The following PLXDC1 variants were observed in gnomAD, a reference collection of about 807,000 sequenced individuals.
PLXDC1 encodes the protein plexin domain-containing protein 1.
In PLXDC1, 39 loss-of-function variants were observed where a neutral mutation model predicts 61.3. The observed-to-expected ratio is 0.64, with a 90% confidence interval of 0.49 to 0.83. The LOEUF is 0.83. Among genes scored for constraint, PLXDC1 ranks in the 40% least tolerant of loss-of-function variants. The pLI is 0.00. For synonymous variants in PLXDC1, 212 were observed against 254.5 expected (o/e 0.83, Z 1.59); for missense variants, 596 against 666.5 (o/e 0.89, Z 1.17).
chr17:39,133,350 A>G (rs1911625610), intron 2 of PLXDC1, among the ~76,000 whole-genome samples: 1 of 152,060 alleles, frequency 6.6e-6, no homozygotes. Context: ...TGGTGTGTGT[A>G]AGCACTGACA....
At position 39,084,914 on chromosome 17, in the gene PLXDC1, C is replaced by T. The variant is rs563291731; in HGVS notation, c.908-1374G>A. ...TTGAATGAACCAGATGACCTCTGAG[C>T]GGCAAGTAGCTGTCACAAAGCCCGT... is the stretch of plus-strand genomic sequence containing the variant. On this transcript the variant is annotated intron_variant, in intron 8 of 13. Transcript: ENST00000315392. Among the ~76,000 whole-genome samples the T allele has an allele frequency of 2.6e-5, 4 of 152,266 alleles. No individual in the cohort carries two copies. The East Asian group carries it at 5.8e-4, about 22-fold the overall frequency.
intron 7 of PLXDC1, among the ~76,000 whole-genome samples, chr17:39,093,491 C>T (rs945896864): frequency 1.2e-4 from 18 of 152,058 alleles, no homozygotes; most frequent in Non-Finnish European, 2.2e-4. Flanking sequence ...TCAAAGTGGG[C>T]GGGTCACCTG....
Position 39,128,589 on chromosome 17 carries a change from A to G in PLXDC1, c.255+11065T>C, listed in dbSNP as rs563583472. Among the ~76,000 whole-genome samples, 16 of 152,234 alleles carry G rather than the reference A, an allele frequency of 1.1e-4. 1 individual carries two copies. Among genetic ancestry groups the G allele is most frequent in the South Asian group, 6.2e-4 (3 of 4,826 alleles). On this transcript the variant is annotated intron_variant, in intron 2 of 13. Coordinates refer to ENST00000315392, the MANE Select transcript of PLXDC1 (RefSeq NM_020405.5). ...TGTAGAGAAATCGGAACCCTCATAC[A>G]TTGCTGGTGGGAATGTAAAATAGTT...
At chr17:39,097,658 C>CT (rs1910255349) in intron 7 of PLXDC1, among the ~76,000 whole-genome samples, 1 of 151,696 alleles carries the variant, frequency 6.6e-6, no homozygotes, top group Non-Finnish European at 1.5e-5. Flanking sequence ...AAAGCCAGAG[C>CT]ATGGCTTGAG....
chr17:39,070,613 C>T (rs1909078396), intron 12 of PLXDC1: 1 of 152,196 alleles, frequency 6.6e-6, no homozygotes, highest in Non-Finnish European at 1.5e-5. Context: ...TATCACTGTC[C>T]ACTCCCAGAT....
At chr17:39,128,089 C>CTGTGTATATATATATATATA (rs1911375209) in intron 2 of PLXDC1, among the ~76,000 whole-genome samples, 2 of 68,806 alleles carry the variant, frequency 2.9e-5, no homozygotes, top group South Asian at 5.0e-4. Flanking sequence ...CTCTCTCTCT[C>CTGTGTATATATATATATATA]TCTATGTGTA....
rs757399867 is a variant in PLXDC1 at position 39,107,533 on chromosome 17, G to A, written c.593-8C>T. 6.3e-6 allele frequency: 10 copies of A among 1,581,450 alleles called. No individual in the cohort carries two copies. The South Asian group carries it at 1.1e-4, about 17-fold the overall frequency. On this transcript the variant is annotated splice_polypyrimidine_tract_variant and splice_region_variant and intron_variant, in intron 5 of 13. Coordinates refer to ENST00000315392, the MANE Select transcript of PLXDC1 (RefSeq NM_020405.5). Reference sequence around the variant, plus strand: ...GAACCACAAAGACTGTCCCTGGGGAGAAGAACAGAGACCCGGCTGGACGGG... The same window carrying A: ...GAACCACAAAGACTGTCCCTGGGGAAAAGAACAGAGACCCGGCTGGACGGG...
rs73983245 is a variant in PLXDC1, at chr17:39,149,229, C to T, written c.76+2133G>A. Reference sequence around the variant, plus strand: ...AGCGAGGGGAGATCTCAGCTACTTCCCAAGGCCCCCCACCAGCCCCACAAA... The same window carrying T: ...AGCGAGGGGAGATCTCAGCTACTTCTCAAGGCCCCCCACCAGCCCCACAAA... On this transcript the variant is annotated intron_variant, in intron 1 of 13. Transcript: ENST00000315392. Among the ~76,000 whole-genome samples the T allele has an allele frequency of 6.6e-3, 1,003 of 152,240 alleles. 13 individuals are homozygous for T. Among genetic ancestry groups the T allele is most frequent in the African/African-American group, 0.023 (950 of 41,544 alleles).
At chr17:39,113,719 T>C (rs1022366656) in intron 2 of PLXDC1, among the ~76,000 whole-genome samples, 2 of 151,914 alleles carry the variant, frequency 1.3e-5, no homozygotes, top group Non-Finnish European at 2.9e-5. Flanking sequence ...GGTATGGTGG[T>C]GCATGCCTGT....
In PLXDC1 at chr17:39,063,811, A is replaced by G. The variant is rs1165688984; in HGVS notation, c.*4029T>C. 3.2e-6 allele frequency: 1 copy of G among 315,394 alleles called. No individual in the cohort carries two copies. Among genetic ancestry groups the G allele is most frequent in the Admixed American group, 4.8e-5 (1 of 20,950 alleles). The allele number at this position is 315,394 out of a possible 1,614,324, so 19.5% of individuals were successfully genotyped here. ...TCTGTGACACTGACTCTTCTGGTGT[A>G]GGTTTGCTTGGCCAGGGAGTCTGAG... is the stretch of plus-strand genomic sequence containing the variant. On this transcript the variant is annotated 3_prime_UTR_variant, in exon 14 of 14. Coordinates refer to ENST00000315392, the MANE Select transcript of PLXDC1 (RefSeq NM_020405.5).
chr17:39,075,499 C>A (rs1243440591), intron 11 of PLXDC1, among the ~76,000 whole-genome samples: 2 of 152,198 alleles, frequency 1.3e-5, no homozygotes, highest in African/African-American at 4.8e-5. Context: ...CTAGATGAAA[C>A]CTGACTCTAT....
intron 2 of PLXDC1, among the ~76,000 whole-genome samples, chr17:39,133,166 C>T (rs1911619448): frequency 6.6e-6 from 1 of 152,090 alleles, no homozygotes; most frequent in Non-Finnish European, 1.5e-5. Flanking sequence ...CCAGGGCCAC[C>T]CATTCTCCAG....
chr17:39,128,117 A>ATATATATGTG (rs1555573193), intron 2 of PLXDC1, among the ~76,000 whole-genome samples: 1 of 96,426 alleles, frequency 1.0e-5, no homozygotes, highest in Non-Finnish European at 1.9e-5. Flanking sequence ...ATATATATGT[A>ATATATATGTG]TATATATATG....
chr17:39,110,787 G>T (rs1910771274), intron 2 of PLXDC1, among the ~76,000 whole-genome samples: 2 of 152,224 alleles, frequency 1.3e-5, no homozygotes, highest in South Asian at 4.1e-4. Flanking sequence ...CTGCCAGAAG[G>T]CACTCTGCTC....
intron 9 of PLXDC1, chr17:39,079,516 G>GTTGT (rs1291663055): frequency 1.9e-5 from 9 of 462,638 alleles, no homozygotes; most frequent in Admixed American, 7.0e-5. Flanking sequence ...TTTCATCCTG[G>GTTGT]TTGTTGAGGG....
intron 7 of PLXDC1, among the ~76,000 whole-genome samples, chr17:39,104,551 A>G (rs1910530249): frequency 6.6e-6 from 1 of 152,172 alleles, no homozygotes; most frequent in African/African-American, 2.4e-5. Context: ...TGGGATGCCA[A>G]GATGGGAGGA....
At chr17:39,082,118 C>G (rs1228004230) in intron 9 of PLXDC1, among the ~76,000 whole-genome samples, 1 of 152,172 alleles carries the variant, frequency 6.6e-6, no homozygotes, top group East Asian at 1.9e-4. Context: ...CACACCCCAT[C>G]CCCTCTGGGC....
chr17:39,116,501 C>T (rs767907975), intron 2 of PLXDC1, among the ~76,000 whole-genome samples: 1 of 152,210 alleles, frequency 6.6e-6, no homozygotes, highest in Non-Finnish European at 1.5e-5. Flanking sequence ...CCTCCCCCAT[C>T]TCCAGTGGCA....
At chr17:39,129,578 C>T (rs1261318129) in intron 2 of PLXDC1, among the ~76,000 whole-genome samples, 3 of 139,224 alleles carry the variant, frequency 2.2e-5, no homozygotes, top group East Asian at 4.3e-4. Flanking sequence ...GATTGCGCCA[C>T]TACACTCCAG....
Sources: allele counts gnomAD v4.1 joint callset (sites outside exome capture counted in the v4.1 genomes callset), GRCh38; gene constraint gnomAD v4.1.1; transcripts MANE v1.5; gene names NCBI Gene and HGNC (gene_info 2026-07-23, HGNC 2026-07-21).